The following SOX5 variants were observed in gnomAD, a reference collection of about 807,000 sequenced individuals.
The protein encoded by SOX5 is SRY-box transcription factor 5, also known as transcription factor SOX-5.
SOX5 carries 9 observed loss-of-function variants against 92.0 expected under a neutral mutation model. The ratio of observed to expected loss-of-function variants is 0.10; its 90% CI spans 0.06 to 0.17. The LOEUF is 0.17. SOX5 is among the 10% of genes least tolerant of loss of function. SOX5 has a pLI of 1.00. For synonymous variants in SOX5, 344 were observed against 336.3 expected, an observed-to-expected ratio of 1.02 and a Z score of -0.25; for missense variants, 642 against 944.5, an observed-to-expected ratio of 0.68 and a Z score of 4.20.
chr12:23,603,909 T>C (rs1445739740), intron 9 of SOX5: 1 of 158,088 alleles, frequency 6.3e-6, no homozygotes, highest in Non-Finnish European at 1.4e-5. Context: ...CTTCTGTAGG[T>C]CCTAATTCTA....
intron 6 of SOX5, among the ~76,000 whole-genome samples, chr12:23,665,908 C>T (rs992477745): frequency 7.9e-5 from 12 of 152,242 alleles, no homozygotes; most frequent in Non-Finnish European, 1.2e-4. Context: ...ATAGAAGGAA[C>T]TGAAATCGCC....
At chr12:23,553,364 G>GA (rs1165158298) in intron 11 of SOX5, among the ~76,000 whole-genome samples, 2 of 151,792 alleles carry the variant, frequency 1.3e-5, no homozygotes, top group Admixed American at 6.6e-5. Context: ...CCACAGGGAG[G>GA]AAAAAAATCC....
chr12:24,355,718 G>A (rs1426096627), intron 2 of SOX5, among the ~76,000 whole-genome samples: 2 of 152,134 alleles, frequency 1.3e-5, no homozygotes, highest in Admixed American at 1.3e-4. Flanking sequence ...ATTCATCACT[G>A]GTATGAGTTC....
intron 1 of SOX5, among the ~76,000 whole-genome samples, chr12:23,915,045 G>A (rs1235395850): frequency 6.6e-6 from 1 of 152,144 alleles, no homozygotes; most frequent in Non-Finnish European, 1.5e-5. Context: ...GACAGACCTA[G>A]ACTGAGTCTT....
At chr12:23,999,140 C>CTGTGTGTGTGTGTGTGTGTG (rs1384723605) in intron 4 of SOX5, among the ~76,000 whole-genome samples, 2 of 141,306 alleles carry the variant, frequency 1.4e-5, no homozygotes, top group East Asian at 2.1e-4. Flanking sequence ...AAAAAAGACT[C>CTGTGTGTGTGTGTGTGTGTG]TGTGTGTGTG....
intron 4 of SOX5, among the ~76,000 whole-genome samples, chr12:24,028,822 T>C (rs1273469512): frequency 6.6e-6 from 1 of 151,972 alleles, no homozygotes; most frequent in East Asian, 1.9e-4. Context: ...ATTCAAACCA[T>C]ACACTAATTA....
rs542466176 is a variant in SOX5 at position 24,522,577 on chromosome 12, T to C, written c.-251+39752A>G. ...AGCATATTAAAAGAAACATATTCTA[T>C]GACCAAGTGGCATTTATCCCGGGGA... On this transcript the variant is annotated intron_variant, in intron 1 of 4. Transcript: ENST00000446891. Among the ~76,000 whole-genome samples, 156 of 152,258 alleles carry C rather than the reference T, an allele frequency of 1.0e-3. 2 individuals are homozygous for C. Among genetic ancestry groups the C allele is most frequent in the Admixed American group, 2.7e-3 (41 of 15,300 alleles).
At chr12:23,754,041 A>G (rs989899521) in intron 4 of SOX5, among the ~76,000 whole-genome samples, 2 of 151,840 alleles carry the variant, frequency 1.3e-5, no homozygotes, top group Admixed American at 6.6e-5. Flanking sequence ...TATACTCTGA[A>G]TGTGAAGCTT....
At chr12:23,796,243 G>A (rs1369843177) in intron 3 of SOX5, among the ~76,000 whole-genome samples, 1 of 152,024 alleles carries the variant, frequency 6.6e-6, no homozygotes, top group African/African-American at 2.4e-5. Flanking sequence ...AGTAAACATT[G>A]CAATGTAACA....
At chr12:24,477,426 G>A (rs1351851472) in intron 1 of SOX5, among the ~76,000 whole-genome samples, 3 of 151,862 alleles carry the variant, frequency 2.0e-5, no homozygotes, top group Admixed American at 6.6e-5. Context: ...AAGCCACTGC[G>A]CCTGGCTTAC....
intron 1 of SOX5, among the ~76,000 whole-genome samples, chr12:24,485,363 T>C (rs7961598): frequency 0.27 from 41,444 of 152,076 alleles, 6,778 homozygotes; most frequent in East Asian, 0.71. Flanking sequence ...TATTTCAGAT[T>C]AGGATATGAG....
chr12:23,685,929 C>T (rs143781155), intron 6 of SOX5, among the ~76,000 whole-genome samples: 91 of 152,230 alleles, frequency 6.0e-4, no homozygotes, highest in African/African-American at 2.0e-3. Flanking sequence ...CAGTAATGCA[C>T]GAGCCTATTC....
intron 4 of SOX5, among the ~76,000 whole-genome samples, chr12:24,021,915 C>T (rs1954337426): frequency 6.6e-6 from 1 of 152,158 alleles, no homozygotes; most frequent in Non-Finnish European, 1.5e-5. Context: ...TCCCCTAGTG[C>T]TTTGGTGGGA....
chr12:23,776,073 T>C (rs1386052573), intron 3 of SOX5, among the ~76,000 whole-genome samples: 1 of 152,212 alleles, frequency 6.6e-6, no homozygotes, highest in East Asian at 1.9e-4. Flanking sequence ...CTGAATTAAG[T>C]AATGCTAATA....
At chr12:23,695,105 G>A (rs1027664727) in intron 6 of SOX5, among the ~76,000 whole-genome samples, 1 of 115,534 alleles carries the variant, frequency 8.7e-6, no homozygotes, top group Non-Finnish European at 1.8e-5. Context: ...GGGTGACAAG[G>A]GAAACCTTGT....
At chr12:23,970,341 G>GTGGCAT (rs1948085920) in intron 4 of SOX5, among the ~76,000 whole-genome samples, 1 of 151,702 alleles carries the variant, frequency 6.6e-6, no homozygotes, top group East Asian at 1.9e-4. Context: ...GTACAATTCA[G>GTGGCAT]TGGCATTAGT....
At chr12:23,636,881 C>A (rs1309643414) in intron 8 of SOX5, among the ~76,000 whole-genome samples, 1 of 152,104 alleles carries the variant, frequency 6.6e-6, no homozygotes, top group Non-Finnish European at 1.5e-5. Context: ...GTTCAAAGGC[C>A]ATGGATTTTG....
chr12:23,752,212 A>G (rs1005976714), intron 4 of SOX5, among the ~76,000 whole-genome samples: 1 of 151,598 alleles, frequency 6.6e-6, no homozygotes, highest in Admixed American at 6.6e-5. Context: ...GAATTAATGC[A>G]CCGTGACCAG....
At chr12:23,792,847 G>A (rs1253499309) in intron 3 of SOX5, among the ~76,000 whole-genome samples, 1 of 151,910 alleles carries the variant, frequency 6.6e-6, no homozygotes, top group Non-Finnish European at 1.5e-5. Context: ...ATATTTTACT[G>A]TCCTGGATGA....
Sources: allele counts gnomAD v4.1 joint callset (sites outside exome capture counted in the v4.1 genomes callset), GRCh38; gene constraint gnomAD v4.1.1; transcripts MANE v1.5; gene names NCBI Gene and HGNC (gene_info 2026-07-23, HGNC 2026-07-21).